The following ITFG1 variants were observed in gnomAD, a reference collection of about 807,000 sequenced individuals.
ITFG1 encodes the protein integrin alpha FG-GAP repeat containing 1, also known as T-cell immunomodulatory protein.
In ITFG1, 34 loss-of-function variants were observed where a neutral mutation model predicts 81.8. The observed-to-expected ratio is 0.42, with a 90% CI of 0.32 to 0.55. The LOEUF is 0.55. ITFG1 is among the 20% of genes least tolerant of loss of function. The pLI is 0.17. For synonymous variants in ITFG1, 285 were observed against 270.6 expected (o/e 1.05, Z -0.52); for missense variants, 672 against 755.4 (o/e 0.89, Z 1.29).
At chr16:47,236,601 G>T (rs1567431674) in intron 13 of ITFG1, among the ~76,000 whole-genome samples, 2 of 152,040 alleles carry the variant, frequency 1.3e-5, no homozygotes, top group East Asian at 3.9e-4. Context: ...TTATTACATG[G>T]CCACCATGTA....
intron 11 of ITFG1, among the ~76,000 whole-genome samples, 192 bp from the exon 12 acceptor site, chr16:47,258,932 A>C (rs1966172955): frequency 6.6e-6 from 1 of 152,230 alleles, no homozygotes; most frequent in Non-Finnish European, 1.5e-5. Flanking sequence ...AATATAAATA[A>C]AATAAAAAAC....
At chr16:47,234,685 G>A (rs1965854154) in intron 13 of ITFG1, among the ~76,000 whole-genome samples, 2 of 152,170 alleles carry the variant, frequency 1.3e-5, no homozygotes, top group South Asian at 2.1e-4. Context: ...AAGAAAATAT[G>A]ACTTGGATTC....
At chr16:47,391,015 T>C (rs1968523472) in intron 6 of ITFG1, among the ~76,000 whole-genome samples, 1 of 152,048 alleles carries the variant, frequency 6.6e-6, no homozygotes, top group Admixed American at 6.5e-5. Context: ...ATAAAGTCCA[T>C]GGGAATCCCG....
At chr16:47,235,370 CA>C (rs1323978463) in intron 13 of ITFG1, among the ~76,000 whole-genome samples, 2 of 152,108 alleles carry the variant, frequency 1.3e-5, no homozygotes, top group Non-Finnish European at 1.5e-5. Flanking sequence ...TAAAGTGGAA[CA>C]GGTATAATTA....
In ITFG1 at chr16:47,459,072, G is replaced by C. The variant is rs77673844; in HGVS notation, c.281+31C>G. 1.5e-3 allele frequency: 1,957 copies of C among 1,316,772 alleles called. 25 individuals are homozygous for C. The African/African-American group carries it at 0.026, about 17-fold the overall frequency. 81.6% of individuals were successfully genotyped at this position (1,316,772 alleles called of 1,614,324 possible). ...ATCCATTATTATATTAATGACTAAA[G>C]TTTTATCAAAATAATCATATTTGTA... On this transcript the variant is annotated intron_variant, in intron 2 of 17. Coordinates refer to ENST00000320640, the MANE Select transcript of ITFG1 (RefSeq NM_030790.5).
chr16:47,430,871 T>C (rs949780484), intron 5 of ITFG1, among the ~76,000 whole-genome samples: 5 of 152,184 alleles, frequency 3.3e-5, no homozygotes, highest in Admixed American at 6.5e-5. Flanking sequence ...ACTTGAAAAA[T>C]GAATGCTCCT....
At chr16:47,408,592 G>A (rs1481227053) in intron 6 of ITFG1, among the ~76,000 whole-genome samples, 3 of 151,890 alleles carry the variant, frequency 2.0e-5, no homozygotes, top group Non-Finnish European at 4.4e-5. Context: ...TTTATCTCAG[G>A]GCCATAGTCA....
intron 17 of ITFG1, 98 bp downstream of exon 17, chr16:47,158,775 T>C (rs1369402874): frequency 1.8e-6 from 1 of 547,488 alleles, no homozygotes; most frequent in Non-Finnish European, 3.2e-6. Flanking sequence ...TCTAGTCATA[T>C]GAAAAAAGTT....
chr16:47,311,356 T>A lies in ITFG1; in HGVS notation c.954A>T (p.Pro318=), dbSNP rs748628989. The A allele has an allele frequency of 6.2e-7, 1 of 1,613,844 alleles. No individual in the cohort carries two copies. The highest frequency in any genetic ancestry group is 1.3e-5 in the African/African-American group (1 of 74,914). Residue 318 remains proline, a synonymous_variant, in exon 10 of 18, where the codon CCA becomes CCT. Coordinates refer to ENST00000320640, the MANE Select transcript of ITFG1 (RefSeq NM_030790.5). ...SNKGTLWGFV[P]FVDEQQPTEI... is the part of the protein sequence containing the mutation. Reference sequence around the variant, plus strand: ...CAGTTGGTTGCTGTTCATCCACAAATGGCACAAAGCCCCAGAGTGTGCCCT... The same window carrying A: ...CAGTTGGTTGCTGTTCATCCACAAAAGGCACAAAGCCCCAGAGTGTGCCCT...
At chr16:47,224,180 T>C (rs926355243) in intron 13 of ITFG1, among the ~76,000 whole-genome samples, 3 of 152,160 alleles carry the variant, frequency 2.0e-5, no homozygotes, top group African/African-American at 7.2e-5. Flanking sequence ...AACCTGCACA[T>C]TGTGCACATG....
chr16:47,271,214 A>T (rs368883074), intron 10 of ITFG1, among the ~76,000 whole-genome samples: 18 of 152,334 alleles, frequency 1.2e-4, no homozygotes, highest in African/African-American at 4.3e-4. Flanking sequence ...TTGAAATCTC[A>T]TATTTAATAG....
intron 14 of ITFG1, among the ~76,000 whole-genome samples, chr16:47,180,232 T>C (rs1053595211): frequency 2.6e-5 from 4 of 152,336 alleles, no homozygotes; most frequent in South Asian, 4.1e-4. Flanking sequence ...TGATATGCCA[T>C]GTCAGTGATT....
intron 13 of ITFG1, among the ~76,000 whole-genome samples, chr16:47,227,714 A>G (rs1965772620): frequency 6.6e-6 from 1 of 152,192 alleles, no homozygotes; most frequent in African/African-American, 2.4e-5. Context: ...CGCAAATAAT[A>G]CTTCAAATCA....
At chr16:47,460,709 G>A in intron 1 of ITFG1, 129 bp downstream of exon 1, 3 of 1,002,994 alleles carry the variant, frequency 3.0e-6, no homozygotes, top group Non-Finnish European at 4.5e-6. Context: ...GAATGCTAAA[G>A]GGAAGGCCAC....
chr16:47,180,402 C>T (rs923867085), intron 14 of ITFG1, among the ~76,000 whole-genome samples: 1 of 152,024 alleles, frequency 6.6e-6, no homozygotes, highest in Non-Finnish European at 1.5e-5. Context: ...CTCCCTCTCC[C>T]TCTCTTTCCA....
At chr16:47,288,839 C>T (rs573608681) in intron 10 of ITFG1, among the ~76,000 whole-genome samples, 14 of 152,130 alleles carry the variant, frequency 9.2e-5, no homozygotes, top group African/African-American at 2.9e-4. Flanking sequence ...GAGGTTGCAG[C>T]GAGTCGAGAT....
intron 8 of ITFG1, among the ~76,000 whole-genome samples, chr16:47,338,614 G>A (rs893483944): frequency 2.0e-5 from 3 of 150,276 alleles, no homozygotes; most frequent in Non-Finnish European, 4.4e-5. Context: ...ATAAAATCCT[G>A]GAAGAAGCCT....
At chr16:47,213,571 A>C (rs1965590676) in intron 14 of ITFG1, among the ~76,000 whole-genome samples, 1 of 152,142 alleles carries the variant, frequency 6.6e-6, no homozygotes, top group Non-Finnish European at 1.5e-5. Flanking sequence ...TACATTTTGC[A>C]GCTCTGTTTT....
At chr16:47,439,443 G>A (rs911152291) in intron 5 of ITFG1, among the ~76,000 whole-genome samples, 1 of 152,136 alleles carries the variant, frequency 6.6e-6, no homozygotes, top group Non-Finnish European at 1.5e-5. Flanking sequence ...GAGAAAGGTC[G>A]GGTAACCCAC....
Sources: gnomAD v4.1 joint callset for allele counts (sites outside exome capture counted in the v4.1 genomes callset) on GRCh38, gnomAD v4.1.1 for gene constraint, MANE v1.5 for transcripts, NCBI Gene and HGNC (gene_info 2026-07-23, HGNC 2026-07-21) for gene names.